The following ST3GAL3 variants were observed in gnomAD, a reference collection of about 807,000 sequenced individuals.
ST3GAL3 encodes ST3 beta-galactoside alpha-2,3-sialyltransferase 3, also known as CMP-N-acetylneuraminate-beta-1,4-galactoside alpha-2,3-sialyltransferase.
ST3GAL3 carries 21 observed loss-of-function variants against 50.1 expected under a neutral mutation model. That is an observed-to-expected ratio of 0.42 (90% CI 0.30 to 0.60). The LOEUF (loss-of-function observed/expected upper bound fraction) is 0.60, where lower values mean the gene tolerates loss of function less well. ST3GAL3 is among the 20% of genes least tolerant of loss of function. The probability of loss-of-function intolerance (pLI) is 0.19; values close to 1 mark genes in which losing one functional copy is unlikely to be tolerated. For missense variants in ST3GAL3, 353 were observed against 489.4 expected (o/e 0.72, Z 2.63); for synonymous variants, 183 against 190.0 (o/e 0.96, Z 0.30).
intron 4 of ST3GAL3, among the ~76,000 whole-genome samples, chr1:43,824,146 T>C (rs1447536432): frequency 6.6e-6 from 1 of 152,130 alleles, no homozygotes; most frequent in African/African-American, 2.4e-5. Context: ...AGGGTATGAG[T>C]AAGAAAGAAT....
At position 43,810,295 on chromosome 1, in the gene ST3GAL3, T is replaced by G. The variant is rs138915886; in HGVS notation, c.167-4596T>G. 4.6e-3 allele frequency among the ~76,000 whole-genome samples: 695 copies of G among 152,156 alleles called. 2 individuals carry two copies. Among genetic ancestry groups the G allele is most frequent in the Middle Eastern group, 6.8e-3 (2 of 294 alleles). On this transcript the variant is annotated intron_variant, in intron 3 of 11. Coordinates refer to ENST00000347631, the MANE Select transcript of ST3GAL3 (RefSeq NM_006279.5). ...AGCACCCCCCTCTCATTCCCACAGG[T>G]GCTTGGCAGAGGAGAGGAAAAGCAG...
chr1:43,914,704 C>G lies in ST3GAL3; in HGVS notation c.745-5700C>G, dbSNP rs973957362. The G allele has an allele frequency of 4.6e-5, 7 of 152,526 alleles. No homozygotes were observed. The East Asian group carries it at 7.7e-4, about 17-fold the overall frequency. The allele number at this position is 152,526 out of a possible 1,614,324, so 9.4% of individuals were successfully genotyped here. A position where few individuals can be genotyped will look rare whatever the true frequency, so the allele number is the denominator to read the frequency against. On this transcript the variant is annotated intron_variant, in intron 9 of 11. Coordinates refer to ENST00000347631, the MANE Select transcript of ST3GAL3 (RefSeq NM_006279.5). ...CAATCCTGGTTCTCCCTGTTCCTCC[C>G]GAGCAGCCCCTGTGCTTTCTCCCTC...
chr1:43,813,379 T>G (rs2060795865), intron 3 of ST3GAL3, among the ~76,000 whole-genome samples: 1 of 152,216 alleles, frequency 6.6e-6, no homozygotes, highest in Admixed American at 6.5e-5. Flanking sequence ...GTATTTTTCG[T>G]TTTATTTTAT....
intron 2 of ST3GAL3, among the ~76,000 whole-genome samples, chr1:43,776,765 C>T (rs1010006193): frequency 3.3e-5 from 5 of 152,142 alleles, no homozygotes; most frequent in African/African-American, 1.2e-4. Flanking sequence ...TGATGACAAC[C>T]CATTACAACT....
At chr1:43,878,933 G>A (rs1045496766) in intron 5 of ST3GAL3, 2 of 440,708 alleles carry the variant, frequency 4.5e-6, no homozygotes, top group Non-Finnish European at 9.2e-6. Context: ...TGTTCACATG[G>A]AGACCCTCCA....
intron 4 of ST3GAL3, among the ~76,000 whole-genome samples, chr1:43,817,739 T>G (rs1384934849): frequency 4.1e-5 from 4 of 98,306 alleles, no homozygotes; most frequent in Non-Finnish European, 8.5e-5. Context: ...CTCCCCCTCC[T>G]CCTCCTTCTT....
intron 9 of ST3GAL3, among the ~76,000 whole-genome samples, chr1:43,903,265 C>G (rs996596407): frequency 6.6e-6 from 1 of 152,188 alleles, no homozygotes; most frequent in Non-Finnish European, 1.5e-5. Flanking sequence ...GGAGACACCC[C>G]ATCCACTGTC....
intron 5 of ST3GAL3, among the ~76,000 whole-genome samples, chr1:43,856,030 T>G (rs922768344): frequency 6.6e-6 from 1 of 152,220 alleles, no homozygotes; most frequent in Non-Finnish European, 1.5e-5. Flanking sequence ...ACACCCAGGT[T>G]TACAACTGCG....
intron 2 of ST3GAL3, among the ~76,000 whole-genome samples, chr1:43,753,391 G>A (rs1188605810): frequency 6.6e-6 from 1 of 152,220 alleles, no homozygotes; most frequent in Non-Finnish European, 1.5e-5. Flanking sequence ...AGTAACTTAA[G>A]TAAGGCCTAA....
At chr1:43,869,904 G>A (rs2072241883) in intron 5 of ST3GAL3, among the ~76,000 whole-genome samples, 1 of 152,224 alleles carries the variant, frequency 6.6e-6, no homozygotes, top group African/African-American at 2.4e-5. Context: ...TAGCAGGGCT[G>A]TTCACCAGCT....
intron 9 of ST3GAL3, among the ~76,000 whole-genome samples, chr1:43,917,498 AATATAT>A (rs2082083120): frequency 1.4e-5 from 1 of 70,468 alleles, no homozygotes; most frequent in Non-Finnish European, 2.7e-5. Flanking sequence ...TAATATATAT[AATATAT>A]TATATAATAT....
chr1:43,766,623 G>C (rs1388181419), intron 2 of ST3GAL3, among the ~76,000 whole-genome samples: 1 of 152,058 alleles, frequency 6.6e-6, no homozygotes, highest in Admixed American at 6.6e-5. Context: ...GTGAGACCGA[G>C]GATTGCAGAG....
At chr1:43,917,670 T>TATA (rs2082296176) in intron 9 of ST3GAL3, among the ~76,000 whole-genome samples, 1 of 19,788 alleles carries the variant, frequency 5.1e-5, no homozygotes. Flanking sequence ...TAATATATAT[T>TATA]ATATATATAT....
At chr1:43,890,470 A>G (rs555091043) in intron 5 of ST3GAL3, among the ~76,000 whole-genome samples, 1 of 152,352 alleles carries the variant, frequency 6.6e-6, no homozygotes, top group Admixed American at 6.5e-5. Context: ...GATGCACCTA[A>G]CTAGCCGAAG....
intron 4 of ST3GAL3, among the ~76,000 whole-genome samples, chr1:43,821,412 A>G (rs2062078792): frequency 6.6e-6 from 1 of 152,176 alleles, no homozygotes; most frequent in Non-Finnish European, 1.5e-5. Context: ...CGAGAGACCC[A>G]GGTTTCTATG....
intron 2 of ST3GAL3, among the ~76,000 whole-genome samples, chr1:43,759,406 T>C (rs1689454544): frequency 1.3e-5 from 2 of 152,066 alleles, no homozygotes; most frequent in African/African-American, 4.8e-5. Flanking sequence ...ATCACGCCAC[T>C]GCATTCCATC....
intron 2 of ST3GAL3, among the ~76,000 whole-genome samples, chr1:43,779,125 A>G (rs1025753129): frequency 5.3e-5 from 8 of 150,656 alleles, no homozygotes; most frequent in Non-Finnish European, 1.2e-4. Context: ...TATATTTGGT[A>G]GAGATTGGGT....
In ST3GAL3 at chr1:43,899,466, A is replaced by G. The variant is rs1170780868; in HGVS notation, c.558-75A>G. On this transcript the variant is annotated intron_variant, in intron 8 of 11. Transcript: ENST00000347631. This position sits in a 1 kb window ranked among gnomAD's most constrained non-coding sequence, Gnocchi z 5.4. ...AGGTGACCTGGACTCCCTATTCTCC[A>G]TGCCTGGGATAGTCTGGGGTCATGG... 1.4e-5 allele frequency: 22 copies of G among 1,598,628 alleles called. No individual in the cohort carries two copies. The highest frequency in any genetic ancestry group is 1.9e-5 in the Non-Finnish European group (22 of 1,174,320).
intron 5 of ST3GAL3, among the ~76,000 whole-genome samples, chr1:43,843,791 A>G (rs1395250742): frequency 6.6e-6 from 1 of 152,190 alleles, no homozygotes; most frequent in Non-Finnish European, 1.5e-5. Context: ...TTTCTCACAC[A>G]TCAAGCAATT....
Sources: gnomAD v4.1 joint callset for allele counts (sites outside exome capture counted in the v4.1 genomes callset) on GRCh38, gnomAD v4.1.1 for gene constraint, Gnocchi (gnomAD v3.1) non-coding constraint, MANE v1.5 for transcripts, NCBI Gene and HGNC (gene_info 2026-07-23, HGNC 2026-07-21) for gene names.